CHRD: variants seen among roughly 807,000 people sequenced by gnomAD.
CHRD encodes chordin.
In CHRD, 69 loss-of-function variants were observed where a neutral mutation model predicts 113.7. That is an observed-to-expected ratio of 0.61 (90% CI 0.50 to 0.74). CHRD has a LOEUF of 0.74. CHRD is among the 30% of genes least tolerant of loss of function. The pLI is 0.00. For missense variants in CHRD, 1,194 were observed against 1,295.8 expected, an observed-to-expected ratio of 0.92 and a Z score of 1.21; for synonymous variants, 561 against 540.8, an observed-to-expected ratio of 1.04 and a Z score of -0.52.
chr3:184,388,083 C>T lies in CHRD; in HGVS notation c.2554+50C>T, dbSNP rs1290237207. On this transcript the variant is annotated intron_variant, in intron 20 of 22. Transcript: ENST00000204604. This position sits in a 1 kb window ranked among gnomAD's most constrained non-coding sequence, Gnocchi z 6.1. ...GGCCTCACCTTTGGGTTGAGGCAGG[C>T]TTTGTCCTGGGTGAGGGGAAGGGTG... 6.5e-7 allele frequency: 1 copy of T among 1,527,032 alleles called. No homozygotes were observed. Among genetic ancestry groups the T allele is most frequent in the Non-Finnish European group, 9.0e-7 (1 of 1,109,680 alleles). 94.6% of individuals were successfully genotyped at this position (1,527,032 alleles called of 1,614,324 possible). A position where few individuals can be genotyped will look rare whatever the true frequency, so the allele number is the denominator to read the frequency against.
rs778439644 is a variant in CHRD at position 184,381,124 on chromosome 3, G to C, written c.253-111G>C. ...GATGAAGTAGCTTGTCTAGGGTCAC[G>C]CAGCTTGTAAGTGGCAGAGCTGGCT... On this transcript the variant is annotated intron_variant, in intron 2 of 22. Transcript: ENST00000204604. This position sits in a 1 kb window ranked among gnomAD's most constrained non-coding sequence, Gnocchi z 4.7. The C allele has an allele frequency of 5.6e-6, 7 of 1,255,144 alleles. No homozygotes were observed. In the African/African-American group the frequency reaches 1.0e-4, roughly 18 times the overall value. The allele number at this position is 1,255,144 out of a possible 1,614,324, so 77.8% of individuals were successfully genotyped here.
At chr3:184,382,280 C>T (rs1715559506) in intron 6 of CHRD, 109 bp from the exon 7 acceptor site, 1 of 1,540,998 alleles carries the variant, frequency 6.5e-7, no homozygotes, top group Non-Finnish European at 8.8e-7. Context: ...CCTAGGGCAC[C>T]CTGGAGGTTC....
At chr3:184,382,069 G>T in intron 6 of CHRD, 49 bp downstream of exon 6, 1 of 1,602,648 alleles carries the variant, frequency 6.2e-7, no homozygotes, top group Non-Finnish European at 8.5e-7. Context: ...GCACTGTGCC[G>T]AGAGCATGCT....
intron 22 of CHRD, 58 bp from the exon 23 acceptor site, chr3:184,389,309 C>T (rs1716851839): frequency 1.9e-6 from 3 of 1,546,962 alleles, no homozygotes; most frequent in Non-Finnish European, 2.7e-6. Context: ...CTCTATGCCT[C>T]TCTGTGCCTC....
chr3:184,386,186 G>A lies in CHRD; in HGVS notation c.1932+27G>A, dbSNP rs776117866. 1.6e-4 allele frequency: 264 copies of A among 1,605,154 alleles called. 1 individual carries two copies. Among genetic ancestry groups the A allele is most frequent in the Admixed American group, 6.8e-4 (41 of 59,936 alleles). On this transcript the variant is annotated intron_variant, in intron 15 of 22. Coordinates refer to ENST00000204604, the Ensembl canonical transcript of CHRD. ...TAGGTGGCGAGTGTGGGCAGTGGGG[G>A]CAGTGGGGAGGGTGCAGAGTTGGAG...
At chr3:184,390,496 G>T (rs141026420), downstream of CHRD, 2 of 151,802 alleles carry the variant, frequency 1.3e-5, no homozygotes, top group African/African-American at 4.8e-5. Flanking sequence ...GGCAAACTGG[G>T]GTCAGAGTGG....
rs768329403 is a variant in CHRD, at chr3:184,381,907, G to A, written c.612-26G>A. ...GGAGGGGCTGCTTTTGGCTCAGTCC[G>A]GCCTCACCCGACCTCTCATTCCCAG... is the stretch of plus-strand genomic sequence containing the variant. On this transcript the variant is annotated intron_variant, in intron 5 of 22. Coordinates refer to ENST00000204604, the Ensembl canonical transcript of CHRD. The surrounding 1 kb of genome is among the most constrained non-coding windows in gnomAD (Gnocchi z 4.7). The A allele has an allele frequency of 2.5e-6, 4 of 1,613,694 alleles. No individual in the cohort carries two copies. The South Asian group carries it at 4.4e-5, about 18-fold the overall frequency.
At chr3:184,386,055 G>A (rs1295192955) in exon 15 of CHRD, 1 of 1,614,206 alleles carries the variant, frequency 6.2e-7, no homozygotes, top group Admixed American at 1.7e-5. Flanking sequence ...GGCCCAGGGT[G>A]TGGTGAAGGA....
chr3:184,383,150 G>A (rs756221362), exon 10 of CHRD: 3 of 1,598,280 alleles, frequency 1.9e-6, no homozygotes, highest in African/African-American at 1.4e-5. Context: ...TTGCTGCCAG[G>A]AAGAGCTGCG....
Position 184,387,627 on chromosome 3 carries a change from C to T in CHRD, c.2451+150C>T. On this transcript the variant is annotated intron_variant, in intron 19 of 22. Transcript: ENST00000204604. This position sits in a 1 kb window ranked among gnomAD's most constrained non-coding sequence, Gnocchi z 6.1. ...AAGGCCCTTGCGCTCTGAGAGTCGG[C>T]TTCCTGTGGGAAAATGAACAGGGCT... is the stretch of plus-strand genomic sequence containing the variant. The T allele has an allele frequency of 1.3e-6, 1 of 791,444 alleles. No individual in the cohort carries two copies. The highest frequency in any genetic ancestry group is 2.0e-6 in the Non-Finnish European group (1 of 511,012). The allele number at this position is 791,444 out of a possible 1,614,324, so 49.0% of individuals were successfully genotyped here. A position where few individuals can be genotyped will look rare whatever the true frequency, so the allele number is the denominator to read the frequency against.
exon 16 of CHRD, chr3:184,386,580 C>G: frequency 6.3e-7 from 1 of 1,584,354 alleles, no homozygotes; most frequent in East Asian, 2.3e-5. Flanking sequence ...GCTCCGGATA[C>G]AGCCTCTGCT....
At position 184,387,613 on chromosome 3, in the gene CHRD, G is replaced by A. The variant is rs1018418736; in HGVS notation, c.2451+136G>A. The A allele has an allele frequency of 1.2e-6, 1 of 839,088 alleles. No individual in the cohort carries two copies. The highest frequency in any genetic ancestry group is 1.8e-5 in the South Asian group (1 of 54,974). 52.0% of individuals were successfully genotyped at this position (839,088 alleles called of 1,614,324 possible). A position where few individuals can be genotyped will look rare whatever the true frequency, so the allele number is the denominator to read the frequency against. ...AAACGATATGAGAAAAGGCCCTTGCGCTCTGAGAGTCGGCTTCCTGTGGGA... is the reference window on the plus strand; with the variant it reads ...AAACGATATGAGAAAAGGCCCTTGCACTCTGAGAGTCGGCTTCCTGTGGGA... On this transcript the variant is annotated intron_variant, in intron 19 of 22. Transcript: ENST00000204604. The surrounding 1 kb of genome is among the most constrained non-coding windows in gnomAD (Gnocchi z 6.1).
exon 23 of CHRD, chr3:184,389,683 T>C (rs372343516): frequency 2.1e-6 from 1 of 476,884 alleles, no homozygotes. Context: ...CCTTTCCTCC[T>C]GTACATAATG....
rs772543674 is a variant in CHRD, at chr3:184,387,510, C to G, written c.2451+33C>G. 16 of 1,562,238 alleles carry G rather than the reference C, an allele frequency of 1.0e-5. No individual in the cohort carries two copies. Among genetic ancestry groups the G allele is most frequent in the Non-Finnish European group, 1.3e-5 (15 of 1,153,124 alleles). On this transcript the variant is annotated intron_variant, in intron 19 of 22. Coordinates refer to ENST00000204604, the Ensembl canonical transcript of CHRD. This position sits in a 1 kb window ranked among gnomAD's most constrained non-coding sequence, Gnocchi z 6.1. Reference sequence around the variant, plus strand: ...CACCCAATCTTCTCTGGTGCCATAACCCAGCGGGGTCTGCAGAGATGGGGA... The same window carrying G: ...CACCCAATCTTCTCTGGTGCCATAAGCCAGCGGGGTCTGCAGAGATGGGGA...
In CHRD at chr3:184,383,010, C is replaced by T. The variant is rs1220582717; in HGVS notation, c.1066-6C>T. 1 of 1,612,612 alleles carries T rather than the reference C, an allele frequency of 6.2e-7. No homozygotes were observed. The highest frequency in any genetic ancestry group is 8.5e-7 in the Non-Finnish European group (1 of 1,179,418). On this transcript the variant is annotated splice_region_variant and splice_polypyrimidine_tract_variant and intron_variant, in intron 9 of 22. Transcript: ENST00000204604. The stretch of plus-strand genomic sequence containing the variant: ...TATTGCCCATCACACCCTGCTCTGT[C>T]CCCAGGAACCAGGCTTTGCTGAGGT...
chr3:184,385,824 G>A (rs931795926), intron 14 of CHRD, among the ~76,000 whole-genome samples: 5 of 151,966 alleles, frequency 3.3e-5, no homozygotes, highest in Admixed American at 6.6e-5. Flanking sequence ...CTGGACCTCA[G>A]GGGGGTAGGT....
chr3:184,386,812 C>T (rs756484648), intron 16 of CHRD, 33 bp from the exon 17 acceptor site: 16 of 1,613,842 alleles, frequency 9.9e-6, no homozygotes, highest in Non-Finnish European at 1.3e-5. Flanking sequence ...GGGGCCTGGA[C>T]ACTCCCGTCA....
At position 184,381,561 on chromosome 3, in the gene CHRD, C is replaced by CGCA. The variant is rs745620244; in HGVS notation, c.450_452dup (p.Ser151dup). ...CGAGTATCCGCGGGACCCGGAGCAT[C>CGCA]GCAGTTATAGCGACCGCGGGGAGCC... On this transcript the variant is annotated inframe_insertion, in exon 4 of 23. Coordinates refer to ENST00000204604, the Ensembl canonical transcript of CHRD. The surrounding 1 kb of genome is among the most constrained non-coding windows in gnomAD (Gnocchi z 4.7). 1.6e-4 allele frequency: 265 copies of CGCA among 1,608,952 alleles called. 1 individual carries two copies. Among genetic ancestry groups the CGCA allele is most frequent in the Non-Finnish European group, 2.1e-4 (242 of 1,178,188 alleles).
chr3:184,385,011 G>T lies in CHRD; in HGVS notation c.1598-7G>T. 1 of 1,613,374 alleles carries T rather than the reference G, an allele frequency of 6.2e-7. No individual in the cohort carries two copies. Among genetic ancestry groups the T allele is most frequent in the South Asian group, 1.1e-5 (1 of 91,038 alleles). ...TCACCTGTCATCTCTCCTCTGTCTG[G>T]ACCCAGCGCTGCCCGTGCCCCTAGC... On this transcript the variant is annotated splice_region_variant and splice_polypyrimidine_tract_variant and intron_variant, in intron 13 of 22. Coordinates refer to ENST00000204604, the Ensembl canonical transcript of CHRD.
Sources: allele counts gnomAD v4.1 joint callset (sites outside exome capture counted in the v4.1 genomes callset), GRCh38; gene constraint gnomAD v4.1.1; non-coding constraint Gnocchi (gnomAD v3.1); transcripts MANE v1.5; gene names NCBI Gene and HGNC (gene_info 2026-07-23, HGNC 2026-07-21).